Variants in LIN54 observed in about 807,000 individuals in gnomAD.
LIN54 encodes the protein lin-54 DREAM MuvB core complex component.
A neutral mutation model predicts 78.7 loss-of-function variants in LIN54; 9 were observed. The observed-to-expected ratio is 0.11, with a 90% CI of 0.07 to 0.20. The LOEUF is 0.20. LIN54 is among the 10% of genes least tolerant of loss of function. The probability of loss-of-function intolerance (pLI) is 1.00; values close to 1 mark genes in which losing one functional copy is unlikely to be tolerated. For synonymous variants in LIN54, 269 were observed against 318.4 expected (o/e 0.84, Z 1.65); for missense variants, 573 against 889.9 (o/e 0.64, Z 4.53).
intron 4 of LIN54, among the ~76,000 whole-genome samples, chr4:82,969,150 T>C (rs1725451207): frequency 6.6e-6 from 1 of 152,180 alleles, no homozygotes; most frequent in South Asian, 2.1e-4. Context: ...GACCACACTT[T>C]TACACCTTTA....
chr4:82,957,497 T>C (rs13132980), intron 4 of LIN54, among the ~76,000 whole-genome samples: 1 of 152,228 alleles, frequency 6.6e-6, no homozygotes, highest in Admixed American at 6.5e-5. Flanking sequence ...AATCTGACCC[T>C]ATGTTTATTT....
At chr4:82,977,330 C>T (rs893482523) in intron 3 of LIN54, among the ~76,000 whole-genome samples, 3 of 152,112 alleles carry the variant, frequency 2.0e-5, no homozygotes, top group Non-Finnish European at 4.4e-5. Flanking sequence ...CAACTGCAGC[C>T]CACTTCCTAA....
At chr4:82,947,235 A>ATATTTTTTTTTTTTTTT in intron 4 of LIN54, among the ~76,000 whole-genome samples, 5 of 44,292 alleles carry the variant, frequency 1.1e-4, no homozygotes, top group Admixed American at 4.1e-4. Flanking sequence ...ATATATATAT[A>ATATTTTTTTTTTTTTTT]TTTTTTTTTT....
At chr4:82,950,383 A>C (rs1433646081) in intron 4 of LIN54, among the ~76,000 whole-genome samples, 1 of 152,228 alleles carries the variant, frequency 6.6e-6, no homozygotes, top group East Asian at 1.9e-4. Flanking sequence ...TTAGCATCTA[A>C]AAAACTAAGT....
intron 1 of LIN54, among the ~76,000 whole-genome samples, chr4:82,990,398 G>A (rs889501705): frequency 5.9e-5 from 9 of 152,184 alleles, no homozygotes; most frequent in African/African-American, 1.9e-4. Context: ...AAGTCCCGCA[G>A]GGAAGACACA....
chr4:82,949,662 G>A (rs1723695575), intron 4 of LIN54, among the ~76,000 whole-genome samples: 2 of 151,952 alleles, frequency 1.3e-5, no homozygotes, highest in Admixed American at 1.3e-4. Flanking sequence ...TTCCCAAAGT[G>A]CTGGGATTAC....
chr4:83,000,261 A>C (rs966030602), intron 1 of LIN54, among the ~76,000 whole-genome samples: 35 of 152,168 alleles, frequency 2.3e-4, no homozygotes, highest in African/African-American at 8.4e-4. Flanking sequence ...GACATTTATT[A>C]GTGAGGCACA....
intron 4 of LIN54, among the ~76,000 whole-genome samples, chr4:82,957,734 T>C (rs930017508): frequency 6.6e-6 from 1 of 152,186 alleles, no homozygotes; most frequent in Admixed American, 6.5e-5. Flanking sequence ...TGACATAATT[T>C]ATCTTTCTTT....
At chr4:83,004,845 A>AT (rs955117506) in intron 1 of LIN54, among the ~76,000 whole-genome samples, 31 of 151,794 alleles carry the variant, frequency 2.0e-4, no homozygotes, top group Admixed American at 2.0e-4. Flanking sequence ...CCTAAGTTTA[A>AT]TTTTTTTTAC....
At chr4:82,987,791 T>C (rs1578619835) in intron 1 of LIN54, among the ~76,000 whole-genome samples, 1 of 152,246 alleles carries the variant, frequency 6.6e-6, no homozygotes, top group African/African-American at 2.4e-5. Context: ...TGATGGGCAT[T>C]TGGGTTGGTT....
In LIN54 at chr4:82,936,012, C is replaced by T; in HGVS notation, c.1814G>A (p.Gly605Glu). The change falls in exon 11 of 13, where the codon GGA becomes GAA. Residue 605 changes from glycine (G) to glutamate (E), a missense_variant. Coordinates refer to ENST00000340417, the MANE Select transcript of LIN54 (RefSeq NM_194282.4). The stretch of plus-strand genomic sequence containing the variant: ...GCATTCACAGTAGTTTTTAAGACAT[C>T]CTGATCGTTTGCAATTACACCCTTT... ...HSKGCNCKRSGCLKNYCECYE... is the reference protein window; with the variant it reads ...HSKGCNCKRSECLKNYCECYE... The T allele has an allele frequency of 6.2e-7, 1 of 1,614,032 alleles. No homozygotes were observed. Among genetic ancestry groups the T allele is most frequent in the Non-Finnish European group, 8.5e-7 (1 of 1,179,900 alleles).
intron 3 of LIN54, among the ~76,000 whole-genome samples, chr4:82,976,687 G>A (rs1726191838): frequency 6.6e-6 from 1 of 152,136 alleles, no homozygotes; most frequent in African/African-American, 2.4e-5. Flanking sequence ...CAGCCTCGGT[G>A]ACAGGGCGAG....
In LIN54 at chr4:83,010,794, C is replaced by T; in HGVS notation, c.-343G>A. On this transcript the variant is annotated 5_prime_UTR_variant, in exon 1 of 13. Transcript: ENST00000340417. ...AGCAGCTTCCCCGACAGCCGGAGCC[C>T]GGGCCGCCGCCGCCGCCGCCACCAC... The T allele has an allele frequency of 8.1e-7, 1 of 1,235,182 alleles. No individual in the cohort carries two copies. Among genetic ancestry groups the T allele is most frequent in the Non-Finnish European group, 1.0e-6 (1 of 990,986 alleles). 76.5% of individuals were successfully genotyped at this position (1,235,182 alleles called of 1,614,324 possible).
chr4:82,988,852 T>C (rs980937291), intron 1 of LIN54, among the ~76,000 whole-genome samples: 2 of 152,194 alleles, frequency 1.3e-5, no homozygotes, highest in African/African-American at 4.8e-5. Context: ...TGTCTGTATA[T>C]CTTCCTTTGA....
chr4:82,968,815 T>C (rs746522542), intron 4 of LIN54, among the ~76,000 whole-genome samples: 8 of 152,288 alleles, frequency 5.3e-5, no homozygotes, highest in Non-Finnish European at 8.8e-5. Flanking sequence ...AGATTCGTAT[T>C]TTTAAAAATG....
rs1726968020 is a variant in LIN54 at position 82,984,728 on chromosome 4, G to A, written c.117C>T (p.Pro39=). The A allele has an allele frequency of 6.2e-7, 1 of 1,614,094 alleles. No homozygotes were observed. Among genetic ancestry groups the A allele is most frequent in the Non-Finnish European group, 8.5e-7 (1 of 1,180,002 alleles). Residue 39 remains proline, a synonymous_variant, in exon 2 of 13, where the codon CCC becomes CCT. Transcript: ENST00000340417. ...CAATTTCTTCCAGTTCTGTCTCCAT[G>A]GGAATTGGGGATGAAACAATAACAG... The part of the protein sequence containing the change: ...IEAVIVSSPI[P]METELEEIVN...
At chr4:82,993,043 A>T (rs1288811053) in intron 1 of LIN54, among the ~76,000 whole-genome samples, 1 of 150,864 alleles carries the variant, frequency 6.6e-6, no homozygotes, top group African/African-American at 2.4e-5. Context: ...AAAAAAAAAA[A>T]AAAGAAATGA....
chr4:82,931,615 G>C (rs1721960015), intron 11 of LIN54, among the ~76,000 whole-genome samples: 1 of 152,072 alleles, frequency 6.6e-6, no homozygotes, highest in South Asian at 2.1e-4. Flanking sequence ...ATCTGAAGAG[G>C]GAGTTCGGGA....
intron 1 of LIN54, 37 bp from the exon 2 acceptor site, chr4:82,984,913 T>C (rs374215009): frequency 7.1e-7 from 1 of 1,409,998 alleles, no homozygotes; most frequent in Admixed American, 2.3e-5. Flanking sequence ...AGTTACTAGG[T>C]TTCAAAAGAT....
Sources: gnomAD v4.1 joint callset for allele counts (sites outside exome capture counted in the v4.1 genomes callset) on GRCh38, gnomAD v4.1.1 for gene constraint, MANE v1.5 for transcripts, NCBI Gene and HGNC (gene_info 2026-07-23, HGNC 2026-07-21) for gene names.